INHBC: variants seen among roughly 807,000 people sequenced by gnomAD.
INHBC encodes inhibin beta C chain.
In INHBC, 10 loss-of-function variants were observed where a neutral mutation model predicts 12.4. The observed-to-expected ratio is 0.81, with a 90% CI of 0.50 to 1.37. The LOEUF (loss-of-function observed/expected upper bound fraction) is 1.37, where lower values mean the gene tolerates loss of function less well. Ranked by LOEUF, INHBC falls within the 40% of genes most tolerant of loss-of-function variation. The pLI, the probability that INHBC is intolerant of heterozygous loss-of-function variation, is 0.00. For synonymous variants in INHBC, 147 were observed against 171.6 expected, an observed-to-expected ratio of 0.86 and a Z score of 1.12; for missense variants, 382 against 439.4, an observed-to-expected ratio of 0.87 and a Z score of 1.17.
In INHBC at chr12:57,449,804, C is replaced by T. The variant is rs748027461; in HGVS notation, c.841C>T (p.Pro281Ser). The stretch of plus-strand genomic sequence containing the variant: ...CATGAACTTCTGCATAGGGCAGTGC[C>T]CACTACACATAGCAGGCATGCCTGG... ...YAMNFCIGQC[P>S]LHIAGMPGIA... Residue 281 changes from proline (P) to serine (S), a missense_variant, in exon 2 of 2, where the codon CCA becomes TCA. Coordinates refer to ENST00000309668, the MANE Select transcript of INHBC (RefSeq NM_005538.4). 21 of 1,613,798 alleles carry T rather than the reference C, an allele frequency of 1.3e-5. No individual in the cohort carries two copies. The highest frequency in any genetic ancestry group is 1.7e-5 in the Non-Finnish European group (20 of 1,179,858).
chr12:57,449,044 T>C (rs1870647466), intron 1 of INHBC, among the ~76,000 whole-genome samples: 1 of 152,142 alleles, frequency 6.6e-6, no homozygotes, highest in African/African-American at 2.4e-5. Flanking sequence ...ATAAGGGCAT[T>C]AATCCATTCA....
chr12:57,438,694 A>G (rs192529280), intron 1 of INHBC, among the ~76,000 whole-genome samples: 3 of 152,340 alleles, frequency 2.0e-5, no homozygotes, highest in Admixed American at 1.3e-4. Flanking sequence ...CATGAAAGCC[A>G]TGAGGTAGTG....
In INHBC at chr12:57,449,878, C is replaced by T. The variant is rs1269965804; in HGVS notation, c.915C>T (p.Asn305=). 1.7e-5 allele frequency: 28 copies of T among 1,612,350 alleles called. No individual in the cohort carries two copies. The highest frequency in any genetic ancestry group is 2.4e-5 in the Non-Finnish European group (28 of 1,178,964). Residue 305 remains asparagine, a synonymous_variant, in exon 2 of 2, where the codon AAC becomes AAT. Transcript: ENST00000309668. ...HTAVLNLLKA[N]TAAGTTGGGS... ...CAGTGCTCAATCTTCTCAAGGCCAA[C>T]ACAGCTGCAGGCACCACTGGAGGGG...
At position 57,434,979 on chromosome 12, in the gene INHBC, G is replaced by T; in HGVS notation, c.93G>T (p.Gly31=). The T allele has an allele frequency of 6.2e-7, 1 of 1,614,166 alleles. No homozygotes were observed. The highest frequency in any genetic ancestry group is 8.5e-7 in the Non-Finnish European group (1 of 1,180,046). ...GCGGTCAGTGTCCAGCATGTGGGGG[G>T]CCCACCTTGGAACTGGAGAGCCAGC... The part of the protein sequence containing the change: ...RAGGQCPACG[G]PTLELESQRE... The change falls in exon 1 of 2, where the codon GGG becomes GGT. Residue 31 remains glycine, a synonymous_variant. Transcript: ENST00000309668.
intron 1 of INHBC, among the ~76,000 whole-genome samples, chr12:57,443,030 A>G (rs1401507253): frequency 1.3e-5 from 2 of 150,406 alleles, no homozygotes; most frequent in Non-Finnish European, 3.0e-5. Context: ...TGACTTTCCA[A>G]TTTACATGAA....
chr12:57,447,892 A>AAAAATATATATAT (rs1555325179), intron 1 of INHBC, among the ~76,000 whole-genome samples: 3 of 19,876 alleles, frequency 1.5e-4, no homozygotes, highest in Non-Finnish European at 2.1e-4. Flanking sequence ...AAAAAAAAAA[A>AAAAATATATATAT]ATATATATAT....
intron 1 of INHBC, among the ~76,000 whole-genome samples, chr12:57,442,562 G>A (rs1186486406): frequency 6.6e-6 from 1 of 152,172 alleles, no homozygotes; most frequent in African/African-American, 2.4e-5. Context: ...CTTGGGACCT[G>A]GGCCACAATT....
chr12:57,449,969 AT>A lies in INHBC; in HGVS notation c.1008del (p.Ile336MetfsTer10), dbSNP rs756254704. 1 of 1,546,476 alleles carries A rather than the reference AT, an allele frequency of 6.5e-7. No individual in the cohort carries two copies. Among genetic ancestry groups the A allele is most frequent in the South Asian group, 1.2e-5 (1 of 80,352 alleles). ...SLLYYDRDSN[I>X]VKTDIPDMVV... ...GCTCTATTATGACAGGGACAGCAACATTGTCAAGACTGACATACCTGACATG... is the reference window on the plus strand; with the variant it reads ...GCTCTATTATGACAGGGACAGCAACATGTCAAGACTGACATACCTGACATG... On this transcript the variant is annotated frameshift_variant, in exon 2 of 2. Coordinates refer to ENST00000309668, the MANE Select transcript of INHBC (RefSeq NM_005538.4). LOFTEE classifies it high-confidence loss of function.
intron 1 of INHBC, among the ~76,000 whole-genome samples, chr12:57,448,488 G>T (rs1382973143): frequency 2.0e-5 from 3 of 149,870 alleles, no homozygotes; most frequent in Non-Finnish European, 4.4e-5. Context: ...AGAATCACTT[G>T]AACCCAGGAG....
chr12:57,443,576 G>T (rs1029844312), intron 1 of INHBC, among the ~76,000 whole-genome samples: 2 of 151,564 alleles, frequency 1.3e-5, no homozygotes, highest in Admixed American at 6.6e-5. Context: ...GAGCCACTGC[G>T]CCGGGCCTCA....
intron 1 of INHBC, among the ~76,000 whole-genome samples, chr12:57,436,843 A>G (rs934844089): frequency 2.0e-5 from 3 of 151,360 alleles, no homozygotes; most frequent in Non-Finnish European, 2.9e-5. Context: ...CTTTTTATGT[A>G]TTTTTAGCAG....
intron 1 of INHBC, among the ~76,000 whole-genome samples, chr12:57,445,259 G>C (rs914556871): frequency 1.1e-4 from 16 of 152,212 alleles, no homozygotes; most frequent in African/African-American, 3.6e-4. Context: ...GGAAGACTTT[G>C]AAGTGTTTTA....
intron 1 of INHBC, among the ~76,000 whole-genome samples, chr12:57,435,649 C>T (rs1870319009): frequency 6.6e-6 from 1 of 152,082 alleles, no homozygotes; most frequent in Non-Finnish European, 1.5e-5. Flanking sequence ...ACCAGGACTG[C>T]AATACCTCAC....
rs1870683011 is a variant in INHBC, at chr12:57,450,196, C to A, written c.*174C>A. The A allele has an allele frequency of 1.6e-6, 1 of 607,048 alleles. No individual in the cohort carries two copies. The highest frequency in any genetic ancestry group is 2.6e-6 in the Non-Finnish European group (1 of 386,258). The allele number at this position is 607,048 out of a possible 1,614,324, so 37.6% of individuals were successfully genotyped here. A position where few individuals can be genotyped will look rare whatever the true frequency, so the allele number is the denominator to read the frequency against. On this transcript the variant is annotated 3_prime_UTR_variant, in exon 2 of 2. Transcript: ENST00000309668. Reference sequence around the variant, plus strand: ...GACTTGAAGAAACCTTCATCTAAAGCAAGTCACTGTGCCATCTTCCTGACC... The same window carrying A: ...GACTTGAAGAAACCTTCATCTAAAGAAAGTCACTGTGCCATCTTCCTGACC...
chr12:57,450,137 T>C lies in INHBC; in HGVS notation c.*115T>C. 5 of 1,142,608 alleles carry C rather than the reference T, an allele frequency of 4.4e-6. No homozygotes were observed. The highest frequency in any genetic ancestry group is 5.9e-6 in the Non-Finnish European group (5 of 849,958). The allele number at this position is 1,142,608 out of a possible 1,614,324, so 70.8% of individuals were successfully genotyped here. A position where few individuals can be genotyped will look rare whatever the true frequency, so the allele number is the denominator to read the frequency against. On this transcript the variant is annotated 3_prime_UTR_variant, in exon 2 of 2. Coordinates refer to ENST00000309668, the MANE Select transcript of INHBC (RefSeq NM_005538.4). ...CTCTGTCCAGAATGTGGACTCCCTCTTCCTGAGCATCTTATGGAAATTACC... is the reference window on the plus strand; with the variant it reads ...CTCTGTCCAGAATGTGGACTCCCTCCTCCTGAGCATCTTATGGAAATTACC...
chr12:57,445,721 C>G (rs556000235), intron 1 of INHBC, among the ~76,000 whole-genome samples: 118 of 141,464 alleles, frequency 8.3e-4, no homozygotes, highest in Non-Finnish European at 1.5e-3. Flanking sequence ...AGACCCCCCG[C>G]CCATCTCCAT....
intron 1 of INHBC, among the ~76,000 whole-genome samples, chr12:57,437,124 A>C (rs1870360814): frequency 6.6e-6 from 1 of 152,026 alleles, no homozygotes; most frequent in African/African-American, 2.4e-5. Context: ...GGTGGAGTGC[A>C]CCTGCAGTCC....
intron 1 of INHBC, among the ~76,000 whole-genome samples, chr12:57,444,577 G>C (rs2139833594): frequency 6.6e-6 from 1 of 151,846 alleles, no homozygotes; most frequent in Admixed American, 6.6e-5. Flanking sequence ...TGATTACAGA[G>C]CATGATAATG....
rs777331047 is a variant in INHBC at position 57,449,514 on chromosome 12, C to T, written c.551C>T (p.Pro184Leu). 1.8e-5 allele frequency: 29 copies of T among 1,614,066 alleles called. No individual in the cohort carries two copies. Among genetic ancestry groups the T allele is most frequent in the Non-Finnish European group, 2.5e-5 (29 of 1,180,036 alleles). ...ASGWHQLPLG[P>L]EAQAACSQGH... ...GGCTGGCATCAACTCCCCCTAGGGC[C>T]TGAAGCTCAAGCTGCCTGCAGCCAG... The change falls in exon 2 of 2, where the codon CCT becomes CTT. Residue 184 changes from proline (P) to leucine (L), a missense_variant. Transcript: ENST00000309668.
Sources: allele counts gnomAD v4.1 joint callset (sites outside exome capture counted in the v4.1 genomes callset), GRCh38; gene constraint gnomAD v4.1.1; transcripts MANE v1.5; gene names NCBI Gene and HGNC (gene_info 2026-07-23, HGNC 2026-07-21).